The following UNC5C variants were observed in gnomAD, a reference collection of about 807,000 sequenced individuals.
UNC5C encodes the protein unc-5 netrin receptor C.
Under a neutral mutation model 99.8 loss-of-function variants are expected in UNC5C, and 47 were observed. That is an observed-to-expected ratio of 0.47 (90% confidence interval 0.37 to 0.60). The LOEUF (loss-of-function observed/expected upper bound fraction) is 0.60. UNC5C is among the 20% of genes least tolerant of loss of function. The pLI is 0.00. For synonymous variants in UNC5C, 487 were observed against 452.2 expected, an observed-to-expected ratio of 1.08 and a Z score of -0.98; for missense variants, 1,062 against 1,165.9, an observed-to-expected ratio of 0.91 and a Z score of 1.30.
Position 95,498,331 on chromosome 4 carries a change from T to C in UNC5C, c.124+50403A>G, listed in dbSNP as rs1578196324. 3.3e-5 allele frequency among the ~76,000 whole-genome samples: 5 copies of C among 152,132 alleles called. No individual in the cohort carries two copies. The East Asian group carries it at 9.7e-4, about 29-fold the overall frequency. Reference sequence around the variant, plus strand: ...ATTTTCTAGCCTCAAATCAGAATTATATAGTATTAATTATTTTAGCAAAAG... The same window carrying C: ...ATTTTCTAGCCTCAAATCAGAATTACATAGTATTAATTATTTTAGCAAAAG... On this transcript the variant is annotated intron_variant, in intron 1 of 15. Coordinates refer to ENST00000453304, the MANE Select transcript of UNC5C (RefSeq NM_003728.4).
chr4:95,183,631 C>T (rs1736706482), intron 13 of UNC5C, among the ~76,000 whole-genome samples: 1 of 151,066 alleles, frequency 6.6e-6, no homozygotes, highest in South Asian at 2.1e-4. Context: ...CACCAAGCAT[C>T]GAACAGGCTT....
chr4:95,322,043 G>C (rs996581283), intron 2 of UNC5C, among the ~76,000 whole-genome samples: 2 of 152,162 alleles, frequency 1.3e-5, no homozygotes, highest in Non-Finnish European at 2.9e-5. Context: ...CTGTATTACA[G>C]ATATAAAGCT....
chr4:95,543,016 A>T (rs1040250927), intron 1 of UNC5C, among the ~76,000 whole-genome samples: 3 of 152,130 alleles, frequency 2.0e-5, no homozygotes, highest in African/African-American at 7.2e-5. Context: ...AACTTACTCT[A>T]CTTCAAAGTA....
chr4:95,456,780 T>A (rs1747438826), intron 1 of UNC5C, among the ~76,000 whole-genome samples: 1 of 152,166 alleles, frequency 6.6e-6, no homozygotes, highest in Non-Finnish European at 1.5e-5. Context: ...AACACATTCA[T>A]TGATGAGACT....
At chr4:95,180,047 C>T (rs185474027) in intron 14 of UNC5C, among the ~76,000 whole-genome samples, 1 of 152,180 alleles carries the variant, frequency 6.6e-6, no homozygotes, top group Non-Finnish European at 1.5e-5. Flanking sequence ...CTCAAAAGCC[C>T]TGTTATCCTT....
intron 1 of UNC5C, among the ~76,000 whole-genome samples, chr4:95,418,860 C>CA (rs1240215696): frequency 6.6e-6 from 1 of 152,084 alleles, no homozygotes; most frequent in African/African-American, 2.4e-5. Context: ...ATGTGCAGCC[C>CA]AAAGTCTAGG....
At chr4:95,214,036 A>T (rs1377690051) in intron 10 of UNC5C, among the ~76,000 whole-genome samples, 1 of 152,208 alleles carries the variant, frequency 6.6e-6, no homozygotes, top group Admixed American at 6.5e-5. Flanking sequence ...CAGTTTCTTC[A>T]TCTTTAAAGT....
intron 11 of UNC5C, among the ~76,000 whole-genome samples, chr4:95,205,446 T>A (rs1282951114): frequency 6.6e-6 from 1 of 152,026 alleles, no homozygotes; most frequent in Non-Finnish European, 1.5e-5. Flanking sequence ...TGGTCAAGAG[T>A]AGAACATGCC....
intron 5 of UNC5C, chr4:95,248,322 C>A: frequency 4.3e-6 from 1 of 234,002 alleles, no homozygotes; most frequent in Non-Finnish European, 8.6e-6. Context: ...AAAATGAAGA[C>A]CCAAAGATGC....
chr4:95,439,037 T>A (rs1746872287), intron 1 of UNC5C, among the ~76,000 whole-genome samples: 1 of 152,170 alleles, frequency 6.6e-6, no homozygotes, highest in African/African-American at 2.4e-5. Flanking sequence ...TTTCAATCTT[T>A]AAATCTCCCA....
intron 1 of UNC5C, among the ~76,000 whole-genome samples, chr4:95,387,591 C>A (rs1745247817): frequency 6.6e-6 from 1 of 152,176 alleles, no homozygotes; most frequent in African/African-American, 2.4e-5. Flanking sequence ...GGAGGGCTAA[C>A]AACTCAATAC....
At chr4:95,473,148 C>A (rs1748026215) in intron 1 of UNC5C, among the ~76,000 whole-genome samples, 2 of 152,104 alleles carry the variant, frequency 1.3e-5, no homozygotes, top group Admixed American at 1.3e-4. Context: ...GCCAACTCTT[C>A]TTTTGTGTTT....
chr4:95,421,302 A>G (rs1379389082), intron 1 of UNC5C, among the ~76,000 whole-genome samples: 1 of 152,208 alleles, frequency 6.6e-6, no homozygotes, highest in Non-Finnish European at 1.5e-5. Context: ...CCATGCAGAC[A>G]GACAGCATAA....
chr4:95,411,351 G>A lies in UNC5C; in HGVS notation c.125-75720C>T, dbSNP rs1325083294. Among the ~76,000 whole-genome samples the A allele has an allele frequency of 2.6e-5, 4 of 152,118 alleles. No individual in the cohort carries two copies. The East Asian group carries it at 7.7e-4, about 29-fold the overall frequency. On this transcript the variant is annotated intron_variant, in intron 1 of 15. Transcript: ENST00000453304. ...AGTCACTCAGCCTATCTGATTAGGG[G>A]TACATAGTGCAGAATTTTAAAGAGA...
intron 1 of UNC5C, among the ~76,000 whole-genome samples, chr4:95,367,584 A>G (rs1447768027): frequency 1.3e-5 from 2 of 152,014 alleles, no homozygotes; most frequent in Non-Finnish European, 2.9e-5. Context: ...TACCCTCTAA[A>G]AATGTGATCA....
intron 1 of UNC5C, among the ~76,000 whole-genome samples, chr4:95,434,945 G>A (rs757243584): frequency 2.0e-5 from 3 of 152,030 alleles, no homozygotes; most frequent in Non-Finnish European, 4.4e-5. Flanking sequence ...ACACATCACA[G>A]AAGAGTTTTG....
intron 1 of UNC5C, among the ~76,000 whole-genome samples, chr4:95,488,587 T>C (rs1367767044): frequency 6.6e-6 from 1 of 151,730 alleles, no homozygotes; most frequent in South Asian, 2.1e-4. Flanking sequence ...CTATTATACA[T>C]GATTTAAGGA....
intron 3 of UNC5C, among the ~76,000 whole-genome samples, chr4:95,292,481 C>A (rs981835407): frequency 1.3e-5 from 2 of 151,986 alleles, no homozygotes; most frequent in African/African-American, 4.8e-5. Context: ...TGAGTCCCTA[C>A]ATTGTGACAG....
At chr4:95,299,667 G>A (rs1476194149) in intron 3 of UNC5C, among the ~76,000 whole-genome samples, 1 of 152,176 alleles carries the variant, frequency 6.6e-6, no homozygotes, top group African/African-American at 2.4e-5. Flanking sequence ...GGAAGAGCAA[G>A]GAACATCTTA....
Sources: gnomAD v4.1 joint callset for allele counts (sites outside exome capture counted in the v4.1 genomes callset) on GRCh38, gnomAD v4.1.1 for gene constraint, MANE v1.5 for transcripts, NCBI Gene and HGNC (gene_info 2026-07-23, HGNC 2026-07-21) for gene names.